Variants in COL24A1 observed in about 807,000 individuals in gnomAD.
The protein encoded by COL24A1 is collagen type XXIV alpha 1 chain.
Under a neutral mutation model 253.9 loss-of-function variants are expected in COL24A1, and 224 were observed. That is an observed-to-expected ratio of 0.88 (90% CI 0.79 to 0.99). COL24A1 has a LOEUF of 0.99. Ranked by LOEUF, COL24A1 falls within the 50% of genes least tolerant of loss-of-function variation. The pLI is 0.00. For missense variants in COL24A1, 2,131 were observed against 2,068.5 expected (o/e 1.03, Z -0.59); for synonymous variants, 685 against 673.7 (o/e 1.02, Z -0.26).
intron 22 of COL24A1, among the ~76,000 whole-genome samples, chr1:85,967,219 G>A (rs995977892): frequency 6.6e-6 from 1 of 152,104 alleles, no homozygotes; most frequent in African/African-American, 2.4e-5. Context: ...ATCTTCTCAG[G>A]GAAGTAGGAT....
At position 86,089,981 on chromosome 1, in the gene COL24A1, G is replaced by T. The variant is rs527613332; in HGVS notation, c.1654-754C>A. On this transcript the variant is annotated intron_variant, in intron 6 of 59. Transcript: ENST00000370571. Reference sequence around the variant, plus strand: ...AATCTCACGGGCTGTGGTGGGACCAGCTAGGTTCACGTGACGCACAGGAGG... The same window carrying T: ...AATCTCACGGGCTGTGGTGGGACCATCTAGGTTCACGTGACGCACAGGAGG... Among the ~76,000 whole-genome samples, 14 of 152,314 alleles carry T rather than the reference G, an allele frequency of 9.2e-5. No individual in the cohort carries two copies. In the South Asian group the frequency reaches 2.9e-3, roughly 32 times the overall value.
intron 59 of COL24A1, among the ~76,000 whole-genome samples, chr1:85,731,402 T>C (rs1346396908): frequency 1.3e-5 from 2 of 152,206 alleles, no homozygotes; most frequent in Non-Finnish European, 2.9e-5. Flanking sequence ...ATTTTAAATT[T>C]TGAAGGAACT....
At chr1:86,004,114 CA>C (rs1274401275) in intron 19 of COL24A1, among the ~76,000 whole-genome samples, 1 of 152,004 alleles carries the variant, frequency 6.6e-6, no homozygotes, top group Non-Finnish European at 1.5e-5. Flanking sequence ...CATTTGTCAG[CA>C]AAAAAAGACC....
intron 45 of COL24A1, among the ~76,000 whole-genome samples, chr1:85,822,841 C>T (rs1673801245): frequency 6.6e-6 from 1 of 152,162 alleles, no homozygotes; most frequent in Non-Finnish European, 1.5e-5. Flanking sequence ...CATCCTCTAC[C>T]ATCCCCCAGT....
chr1:86,142,544 A>C (rs1348500378), intron 2 of COL24A1, among the ~76,000 whole-genome samples: 1 of 151,210 alleles, frequency 6.6e-6, no homozygotes, highest in Non-Finnish European at 1.5e-5. Flanking sequence ...CAAAAAACAA[A>C]AAACAAAAAA....
At chr1:85,969,818 A>G (rs1691966028) in intron 22 of COL24A1, among the ~76,000 whole-genome samples, 1 of 152,046 alleles carries the variant, frequency 6.6e-6, no homozygotes. Context: ...AATAATTAAC[A>G]TATTACCCAT....
intron 24 of COL24A1, among the ~76,000 whole-genome samples, chr1:85,949,017 T>C (rs1689630035): frequency 6.6e-6 from 1 of 152,202 alleles, no homozygotes; most frequent in African/African-American, 2.4e-5. Context: ...CTTTTGACAA[T>C]TTTTCATCTT....
At chr1:86,118,517 T>C (rs1706380688) in intron 3 of COL24A1, among the ~76,000 whole-genome samples, 1 of 152,218 alleles carries the variant, frequency 6.6e-6, no homozygotes, top group African/African-American at 2.4e-5. Context: ...ATGTTGGAAA[T>C]CCTGCATCTT....
chr1:85,891,212 G>A (rs969333041), intron 31 of COL24A1, among the ~76,000 whole-genome samples: 4 of 144,938 alleles, frequency 2.8e-5, no homozygotes, highest in African/African-American at 5.0e-5. Flanking sequence ...CACCACGCCC[G>A]GCTAATTTTT....
rs756855340 is a variant in COL24A1 at position 85,781,237 on chromosome 1, C to T, written c.4321G>A (p.Gly1441Ser). 1.0e-5 allele frequency: 16 copies of T among 1,606,102 alleles called. No individual in the cohort carries two copies. The highest frequency in any genetic ancestry group is 1.4e-5 in the Non-Finnish European group (16 of 1,176,340). Residue 1441 changes from glycine (G) to serine (S), a missense_variant, in exon 52 of 60, where the codon GGC becomes AGC. Transcript: ENST00000370571. ...AAACTTACAGTTCTACCTGTTGGGC[C>T]TATTATACCTTCTCTGCCAAGGGGA... ...TGPLGREGII[G>S]PTGRTGPRGE...
chr1:85,964,796 C>T (rs1691398725), intron 23 of COL24A1, among the ~76,000 whole-genome samples: 1 of 152,082 alleles, frequency 6.6e-6, no homozygotes, highest in African/African-American at 2.4e-5. Context: ...TGAAACACTT[C>T]TGGTCCCATG....
chr1:85,897,379 C>A (rs1683847825), intron 28 of COL24A1, among the ~76,000 whole-genome samples: 1 of 151,238 alleles, frequency 6.6e-6, no homozygotes, highest in African/African-American at 2.4e-5. Context: ...AAACCTGCAC[C>A]TCCTGTACAC....
chr1:86,129,873 CAGTT>C lies in COL24A1; in HGVS notation c.122-3663_122-3660del, dbSNP rs1186667088. The stretch of plus-strand genomic sequence containing the variant: ...TGAAGGTACAAAATTTAATACATAC[CAGTT>C]AGTTGTACCTCATTGTTTATGTTAT... On this transcript the variant is annotated intron_variant, in intron 2 of 59. Transcript: ENST00000370571. Among the ~76,000 whole-genome samples, 10 of 151,658 alleles carry C rather than the reference CAGTT, an allele frequency of 6.6e-5. No homozygotes were observed. In the East Asian group the frequency reaches 1.9e-3, roughly 29 times the overall value.
In COL24A1 at chr1:86,132,442, T is replaced by C. The variant is rs559881791; in HGVS notation, c.122-6228A>G. Among the ~76,000 whole-genome samples, 423 of 152,272 alleles carry C rather than the reference T, an allele frequency of 2.8e-3. 5 individuals are homozygous for C. Among genetic ancestry groups the C allele is most frequent in the South Asian group, 0.021 (103 of 4,828 alleles). On this transcript the variant is annotated intron_variant, in intron 2 of 59. Transcript: ENST00000370571. ...GTTTTAGACATGAAGTCCTTGCCCA[T>C]GCCTATGTCCTGAATGGTATTGCCT...
intron 19 of COL24A1, among the ~76,000 whole-genome samples, chr1:85,997,218 A>G (rs12404609): frequency 0.39 from 58,162 of 150,474 alleles, 11,744 homozygotes; most frequent in East Asian, 0.58. Context: ...AGGAGAGTGC[A>G]TTTTCAGCTG....
At chr1:85,857,340 G>C (rs1678547899) in intron 37 of COL24A1, among the ~76,000 whole-genome samples, 1 of 151,612 alleles carries the variant, frequency 6.6e-6, no homozygotes, top group Admixed American at 6.6e-5. Flanking sequence ...TACAATAAGG[G>C]CTGGAGAGCA....
At chr1:86,010,090 A>G (rs1033862519) in intron 19 of COL24A1, among the ~76,000 whole-genome samples, 1 of 152,214 alleles carries the variant, frequency 6.6e-6, no homozygotes, top group African/African-American at 2.4e-5. Flanking sequence ...CAGAGACCTA[A>G]ATATAAAAAA....
chr1:86,074,324 A>G (rs930974829), intron 7 of COL24A1, among the ~76,000 whole-genome samples: 2 of 152,182 alleles, frequency 1.3e-5, no homozygotes, highest in African/African-American at 4.8e-5. Context: ...TCTCTGGTAA[A>G]ACAGACTAAA....
chr1:85,937,167 C>T lies in COL24A1; in HGVS notation c.2562+24082G>A, dbSNP rs74097615. On this transcript the variant is annotated intron_variant, in intron 24 of 59. Transcript: ENST00000370571. ...TGGTTTATGGATAGTAGGCTTCTTA[C>T]GTAGGTGCAAACTGAAGATGGATGG... Among the ~76,000 whole-genome samples, 5 of 147,556 alleles carry T rather than the reference C, an allele frequency of 3.4e-5. 1 individual carries two copies. Among genetic ancestry groups the T allele is most frequent in the Middle Eastern group, 7.0e-3 (2 of 284 alleles).
Sources: gnomAD v4.1 joint callset for allele counts (sites outside exome capture counted in the v4.1 genomes callset) on GRCh38, gnomAD v4.1.1 for gene constraint, MANE v1.5 for transcripts, NCBI Gene and HGNC (gene_info 2026-07-23, HGNC 2026-07-21) for gene names.